Variants in TENM3 observed in about 807,000 individuals in gnomAD.
The protein encoded by TENM3 is teneurin-3.
Under a neutral mutation model 255.1 loss-of-function variants are expected in TENM3, and 63 were observed. The ratio of observed to expected loss-of-function variants is 0.25; its 90% CI spans 0.20 to 0.30. The LOEUF is 0.30. TENM3 is among the 10% of genes least tolerant of loss of function. The pLI is 1.00. For synonymous variants in TENM3, 1,306 were observed against 1,322.3 expected (o/e 0.99, Z 0.27); for missense variants, 2,929 against 3,461.1 (o/e 0.85, Z 3.86).
chr4:182,527,953 C>T (rs1739385986), intron 3 of TENM3, among the ~76,000 whole-genome samples: 1 of 152,106 alleles, frequency 6.6e-6, no homozygotes, highest in Admixed American at 6.5e-5. Context: ...GTCTCCATCT[C>T]TTGACCTCGT....
intron 1 of TENM3, among the ~76,000 whole-genome samples, chr4:182,170,985 C>T (rs989361839): frequency 6.6e-6 from 1 of 151,902 alleles, no homozygotes; most frequent in African/African-American, 2.4e-5. Flanking sequence ...AAATGTTATT[C>T]CCATAACAGC....
At chr4:181,613,490 GC>G in the TENM3 span, among the ~76,000 whole-genome samples, 1 of 152,160 alleles carries the variant, frequency 6.6e-6, no homozygotes, top group African/African-American at 2.4e-5. Flanking sequence ...GAGTATGCCT[GC>G]CCTCAGCTCT....
At chr4:182,520,455 T>G (rs974591016) in intron 3 of TENM3, among the ~76,000 whole-genome samples, 3 of 152,232 alleles carry the variant, frequency 2.0e-5, no homozygotes, top group Non-Finnish European at 2.9e-5. Flanking sequence ...TTCAAAGATT[T>G]CATATTGCTT....
At chr4:181,497,223 A>G in the TENM3 span, among the ~76,000 whole-genome samples, 1 of 152,166 alleles carries the variant, frequency 6.6e-6, no homozygotes, top group Non-Finnish European at 1.5e-5. Flanking sequence ...ATAGACACAT[A>G]TGTTCATTGT....
At chr4:182,732,029 C>T (rs1177889176) in intron 16 of TENM3, among the ~76,000 whole-genome samples, 1 of 152,046 alleles carries the variant, frequency 6.6e-6, no homozygotes, top group Non-Finnish European at 1.5e-5. Context: ...GATCCGCCCA[C>T]CTTGACCTCC....
rs199751566 is a variant in TENM3 at position 182,738,360 on chromosome 4, C to T, written c.3236-41C>T. 1,162 of 1,523,124 alleles carry T rather than the reference C, an allele frequency of 7.6e-4. 10 individuals carry two copies. The South Asian group carries it at 8.4e-3, about 11-fold the overall frequency. 94.4% of individuals were successfully genotyped at this position (1,523,124 alleles called of 1,614,324 possible). A position where few individuals can be genotyped will look rare whatever the true frequency, so the allele number is the denominator to read the frequency against. On this transcript the variant is annotated intron_variant, in intron 17 of 27. Coordinates refer to ENST00000511685, the MANE Select transcript of TENM3 (RefSeq NM_001080477.4). ...GTAAGAAAATAAATTGCATTTCCCC[C>T]AGTCGTTGGAAAGATGAGCTGTGAT...
chr4:181,860,794 G>GT, the TENM3 span, among the ~76,000 whole-genome samples: 5 of 152,102 alleles, frequency 3.3e-5, no homozygotes, highest in South Asian at 2.1e-4. Flanking sequence ...AGGAATCATA[G>GT]TTTTTTTAAC....
chr4:182,623,265 C>T (rs548156423), intron 4 of TENM3, among the ~76,000 whole-genome samples: 3 of 151,810 alleles, frequency 2.0e-5, no homozygotes, highest in South Asian at 4.2e-4. Flanking sequence ...CACCTGTCCC[C>T]GCCTCCCTAA....
intron 1 of TENM3, among the ~76,000 whole-genome samples, chr4:182,195,084 ACTT>A (rs954023536): frequency 6.6e-6 from 1 of 150,956 alleles, no homozygotes; most frequent in Non-Finnish European, 1.5e-5. Flanking sequence ...TATTCAGAGG[ACTT>A]CTTTATAATA....
At chr4:181,789,599 C>A in the TENM3 span, among the ~76,000 whole-genome samples, 2 of 152,054 alleles carry the variant, frequency 1.3e-5, no homozygotes, top group African/African-American at 4.8e-5. Flanking sequence ...TTAGACTGGG[C>A]ACCCCAGCTA....
At chr4:182,343,290 A>C (rs1764598600) in intron 2 of TENM3, among the ~76,000 whole-genome samples, 1 of 152,192 alleles carries the variant, frequency 6.6e-6, no homozygotes, top group South Asian at 2.1e-4. Flanking sequence ...TGTAATGGGA[A>C]ACTCTTGTTG....
chr4:181,486,946 T>C, the TENM3 span, among the ~76,000 whole-genome samples: 1 of 152,216 alleles, frequency 6.6e-6, no homozygotes, highest in South Asian at 2.1e-4. Flanking sequence ...ACTTGAGATA[T>C]GTTTGTGAGT....
At chr4:181,721,897 T>C in the TENM3 span, among the ~76,000 whole-genome samples, 339 of 152,154 alleles carry the variant, frequency 2.2e-3, 1 homozygote, top group African/African-American at 7.8e-3. Context: ...CAACCCACAT[T>C]CAGTTAGGAT....
intron 3 of TENM3, among the ~76,000 whole-genome samples, chr4:182,387,444 C>T (rs923796583): frequency 6.6e-6 from 1 of 152,126 alleles, no homozygotes; most frequent in African/African-American, 2.4e-5. Flanking sequence ...CAAAATAGGC[C>T]ACTCGGCTCT....
chr4:182,099,122 CA>C, the TENM3 span, among the ~76,000 whole-genome samples: 1 of 151,806 alleles, frequency 6.6e-6, no homozygotes, highest in South Asian at 2.1e-4. Context: ...CCGCCACGCC[CA>C]GCTAACTTTT....
chr4:181,926,241 T>A, the TENM3 span, among the ~76,000 whole-genome samples: 4 of 152,194 alleles, frequency 2.6e-5, no homozygotes, highest in African/African-American at 9.6e-5. Flanking sequence ...GTACAGTGAA[T>A]GAAATATGAA....
chr4:182,275,847 G>C (rs1759963244), intron 1 of TENM3, among the ~76,000 whole-genome samples: 1 of 152,088 alleles, frequency 6.6e-6, no homozygotes, highest in South Asian at 2.1e-4. Context: ...TGAGGTGAGA[G>C]GATGGACCAC....
intron 1 of TENM3, among the ~76,000 whole-genome samples, chr4:182,199,484 C>T (rs1213840317): frequency 6.6e-6 from 1 of 152,022 alleles, no homozygotes; most frequent in Non-Finnish European, 1.5e-5. Context: ...ATCTTAGGAG[C>T]AAAAATCATT....
intron 1 of TENM3, among the ~76,000 whole-genome samples, chr4:182,272,919 C>T (rs142824562): frequency 1.5e-3 from 230 of 152,230 alleles, no homozygotes; most frequent in African/African-American, 5.3e-3. Context: ...TCGTAGGTAC[C>T]TGCGGTATGA....
Sources: allele counts gnomAD v4.1 joint callset (sites outside exome capture counted in the v4.1 genomes callset), GRCh38; gene constraint gnomAD v4.1.1; transcripts MANE v1.5; gene names NCBI Gene and HGNC (gene_info 2026-07-23, HGNC 2026-07-21).